The following SPHKAP variants were observed in gnomAD, a reference collection of about 807,000 sequenced individuals.
SPHKAP encodes the protein SPHK1 interactor, AKAP domain containing.
In SPHKAP, 67 loss-of-function variants were observed where a neutral mutation model predicts 137.5. That is an observed-to-expected ratio of 0.49 (90% CI 0.40 to 0.60). SPHKAP has a LOEUF of 0.60. Ranked by LOEUF, SPHKAP falls within the 20% of genes least tolerant of loss-of-function variation. The pLI is 0.00. For missense variants in SPHKAP, 2,097 were observed against 2,069.3 expected (o/e 1.01, Z -0.26); for synonymous variants, 813 against 785.3 (o/e 1.04, Z -0.59).
chr2:228,054,941 ACC>A (rs1696383437), intron 3 of SPHKAP, among the ~76,000 whole-genome samples: 1 of 151,992 alleles, frequency 6.6e-6, no homozygotes, highest in Non-Finnish European at 1.5e-5. Flanking sequence ...GGAGTTCGAG[ACC>A]AACCTGGCTA....
intron 1 of SPHKAP, among the ~76,000 whole-genome samples, chr2:228,145,921 C>T (rs1010293233): frequency 1.3e-5 from 2 of 152,124 alleles, no homozygotes; most frequent in Non-Finnish European, 2.9e-5. Context: ...TAAAGTGTGG[C>T]TTGTGGGCCT....
intron 1 of SPHKAP, among the ~76,000 whole-genome samples, chr2:228,172,599 G>T (rs903076008): frequency 6.6e-6 from 1 of 152,184 alleles, no homozygotes; most frequent in Non-Finnish European, 1.5e-5. Flanking sequence ...TTTCAACCCT[G>T]AGGGTAGCTG....
chr2:228,111,204 A>T (rs1006802177), intron 2 of SPHKAP, among the ~76,000 whole-genome samples: 1 of 152,204 alleles, frequency 6.6e-6, no homozygotes, highest in African/African-American at 2.4e-5. Flanking sequence ...GTTTAAGAGC[A>T]TCAACATTAC....
chr2:228,005,852 T>G (rs528572106), intron 7 of SPHKAP, among the ~76,000 whole-genome samples: 80 of 152,350 alleles, frequency 5.3e-4, no homozygotes, highest in African/African-American at 1.9e-3. Flanking sequence ...GAAAATTCTT[T>G]TCTTTAAGAA....
intron 2 of SPHKAP, among the ~76,000 whole-genome samples, chr2:228,120,788 ACG>A (rs1231658771): frequency 6.6e-6 from 1 of 152,124 alleles, no homozygotes; most frequent in East Asian, 1.9e-4. Context: ...CTTTATCCAT[ACG>A]AATGCAGTAA....
chr2:228,065,741 G>A (rs567989497), intron 3 of SPHKAP, among the ~76,000 whole-genome samples: 32 of 152,276 alleles, frequency 2.1e-4, no homozygotes, highest in Middle Eastern at 3.4e-3. Flanking sequence ...AAGAATGGCA[G>A]GGTCATCAGA....
intron 3 of SPHKAP, among the ~76,000 whole-genome samples, chr2:228,092,283 GCGTGTATACGTGCACACACA>G (rs1439726127): frequency 1.4e-5 from 2 of 141,110 alleles, no homozygotes; most frequent in South Asian, 2.1e-4. Flanking sequence ...ACGTGTATGT[GCGTGTATACGTGCACACACA>G]CGTGTATGTG....
intron 3 of SPHKAP, among the ~76,000 whole-genome samples, chr2:228,106,886 G>A (rs980305224): frequency 1.3e-5 from 2 of 152,088 alleles, no homozygotes; most frequent in Non-Finnish European, 2.9e-5. Flanking sequence ...TTTTTCATAG[G>A]GACCCTGAAA....
rs140055589 is a variant in SPHKAP, at chr2:227,992,802, C to G, written c.4721+732G>C. On this transcript the variant is annotated intron_variant, in intron 9 of 11. Transcript: ENST00000392056. The stretch of plus-strand genomic sequence containing the variant: ...ATTGAGAAAATAGGTCAGGGAACAA[C>G]TTTAGCCTATACTTATTTATCATTG... 3.9e-3 allele frequency among the ~76,000 whole-genome samples: 599 copies of G among 152,290 alleles called. 4 individuals carry two copies. The highest frequency in any genetic ancestry group is 0.013 in the African/African-American group (560 of 41,552).
At chr2:228,151,459 G>A (rs1480458047) in intron 1 of SPHKAP, among the ~76,000 whole-genome samples, 2 of 152,070 alleles carry the variant, frequency 1.3e-5, no homozygotes, top group Non-Finnish European at 2.9e-5. Context: ...GTAATGGGAT[G>A]GCTGGGTCAA....
In SPHKAP at chr2:228,019,090, G is replaced by GCTACCACTTGGAGC; in HGVS notation, c.1750_1763dup (p.Ser588ArgfsTer23). 6.2e-7 allele frequency: 1 copy of GCTACCACTTGGAGC among 1,613,892 alleles called. No individual in the cohort carries two copies. Among genetic ancestry groups the GCTACCACTTGGAGC allele is most frequent in the Non-Finnish European group, 8.5e-7 (1 of 1,179,970 alleles). On this transcript the variant is annotated frameshift_variant, in exon 7 of 12. Transcript: ENST00000392056. LOFTEE classifies it high-confidence loss of function. Reference sequence around the variant, plus strand: ...CAGAAGCCTCAGCTGCAGGCGGGAGGCTACCACTTGGAGCCACTGAGCATG... The same window carrying GCTACCACTTGGAGC: ...CAGAAGCCTCAGCTGCAGGCGGGAGGCTACCACTTGGAGCCTACCACTTGGAGCCACTGAGCATG...
At chr2:228,174,937 A>AAT (rs1700694856) in intron 1 of SPHKAP, among the ~76,000 whole-genome samples, 1 of 152,056 alleles carries the variant, frequency 6.6e-6, no homozygotes, top group Admixed American at 6.6e-5. Flanking sequence ...GCCTCTGATA[A>AAT]ATATATCAGT....
chr2:228,026,202 A>G (rs1378990812), intron 4 of SPHKAP, among the ~76,000 whole-genome samples: 1 of 152,150 alleles, frequency 6.6e-6, no homozygotes, highest in East Asian at 1.9e-4. Context: ...CCTCTTTCTT[A>G]TAAGTCCAAT....
At chr2:228,015,825 G>A (rs1406359529) in intron 7 of SPHKAP, among the ~76,000 whole-genome samples, 1 of 151,916 alleles carries the variant, frequency 6.6e-6, no homozygotes, top group Non-Finnish European at 1.5e-5. Flanking sequence ...AACTTGAAAG[G>A]AGAGACTCTA....
chr2:228,181,442 C>T lies in SPHKAP; in HGVS notation c.32+125G>A, dbSNP rs937079192. On this transcript the variant is annotated intron_variant, in intron 1 of 11. Coordinates refer to ENST00000392056, the MANE Select transcript of SPHKAP (RefSeq NM_001142644.2). This position sits in a 1 kb window ranked among gnomAD's most constrained non-coding sequence, Gnocchi z 4.3. ...CCGGACTTATTTACAAGTGCAGTGA[C>T]CCCTGTCTCCTCGCTGGGAGCCCCG... 39 of 1,320,792 alleles carry T rather than the reference C, an allele frequency of 3.0e-5. No homozygotes were observed. The highest frequency in any genetic ancestry group is 4.3e-5 in the Non-Finnish European group (39 of 915,480). 81.8% of individuals were successfully genotyped at this position (1,320,792 alleles called of 1,614,324 possible).
intron 2 of SPHKAP, chr2:228,109,566 T>C (rs1698451803): frequency 6.4e-6 from 1 of 156,980 alleles, no homozygotes; most frequent in African/African-American, 2.4e-5. Flanking sequence ...CTGACAAATA[T>C]CTGATTTCTG....
intron 1 of SPHKAP, among the ~76,000 whole-genome samples, chr2:228,156,892 T>A (rs1700123578): frequency 6.6e-6 from 1 of 152,150 alleles, no homozygotes; most frequent in Admixed American, 6.5e-5. Context: ...TCCCCAGCCA[T>A]ATGGAACTGT....
intron 3 of SPHKAP, among the ~76,000 whole-genome samples, chr2:228,073,986 CAG>C (rs1191968378): frequency 1.1e-4 from 16 of 152,132 alleles, no homozygotes; most frequent in African/African-American, 3.6e-4. Flanking sequence ...TGTGAAATAT[CAG>C]AGACAATGTA....
intron 3 of SPHKAP, among the ~76,000 whole-genome samples, chr2:228,030,488 C>T (rs1354991852): frequency 2.3e-5 from 3 of 133,270 alleles, no homozygotes; most frequent in African/African-American, 8.6e-5. Context: ...GCACTCCAGC[C>T]TGGCAACAGA....
Sources: gnomAD v4.1 joint callset for allele counts (sites outside exome capture counted in the v4.1 genomes callset) on GRCh38, gnomAD v4.1.1 for gene constraint, Gnocchi (gnomAD v3.1) non-coding constraint, MANE v1.5 for transcripts, NCBI Gene and HGNC (gene_info 2026-07-23, HGNC 2026-07-21) for gene names.